Variants in PTPRT observed in about 807,000 individuals in gnomAD.
PTPRT encodes receptor-type tyrosine-protein phosphatase T.
PTPRT carries 56 observed loss-of-function variants against 176.8 expected under a neutral mutation model. The observed-to-expected ratio is 0.32, with a 90% CI of 0.26 to 0.40. The LOEUF (loss-of-function observed/expected upper bound fraction) is 0.40, where lower values mean the gene tolerates loss of function less well. Ranked by LOEUF, PTPRT falls within the 10% of genes least tolerant of loss-of-function variation. The pLI is 1.00. For missense variants in PTPRT, 1,540 were observed against 1,908.2 expected (o/e 0.81, Z 3.60); for synonymous variants, 783 against 739.0 (o/e 1.06, Z -0.96).
intron 7 of PTPRT, among the ~76,000 whole-genome samples, chr20:42,558,368 C>T (rs2072896044): frequency 6.6e-6 from 1 of 152,086 alleles, no homozygotes. Flanking sequence ...TCCAGTCTAC[C>T]ATTGTTGGGC....
intron 1 of PTPRT, among the ~76,000 whole-genome samples, chr20:43,075,985 C>T (rs938540237): frequency 2.0e-5 from 3 of 152,120 alleles, no homozygotes; most frequent in Non-Finnish European, 2.9e-5. Flanking sequence ...TTAAAGAACC[C>T]CTGGTCAGAG....
chr20:42,628,592 C>T (rs1849385241), intron 7 of PTPRT, among the ~76,000 whole-genome samples: 1 of 152,124 alleles, frequency 6.6e-6, no homozygotes. Flanking sequence ...TGTTGACCAT[C>T]TACTTTGTGT....
chr20:42,746,846 A>G (rs181633115), intron 6 of PTPRT, among the ~76,000 whole-genome samples: 55 of 152,268 alleles, frequency 3.6e-4, no homozygotes, highest in Non-Finnish European at 5.9e-4. Flanking sequence ...AAAAACTTCC[A>G]GACCTAAGTT....
intron 19 of PTPRT, among the ~76,000 whole-genome samples, chr20:42,127,189 A>G (rs1987897874): frequency 6.6e-6 from 1 of 152,208 alleles, no homozygotes; most frequent in Admixed American, 6.5e-5. Context: ...AGAGGGAGAA[A>G]TAACTAGAGT....
At chr20:42,186,597 G>A (rs957870377) in intron 16 of PTPRT, among the ~76,000 whole-genome samples, 3 of 152,202 alleles carry the variant, frequency 2.0e-5, no homozygotes, top group African/African-American at 7.2e-5. Context: ...GACAAGACCT[G>A]TATGTGAAGT....
At position 42,530,806 on chromosome 20, in the gene PTPRT, C is replaced by T. The variant is rs2072369987; in HGVS notation, c.1154-58244G>A. 2.0e-5 allele frequency among the ~76,000 whole-genome samples: 3 copies of T among 152,304 alleles called. No homozygotes were observed. The South Asian group carries it at 6.2e-4, about 32-fold the overall frequency. On this transcript the variant is annotated intron_variant, in intron 7 of 30. Coordinates refer to ENST00000373187, the MANE Select transcript of PTPRT (RefSeq NM_007050.6). ...ACTTGTGCATCCAGGAGCCCTACTT[C>T]TGACTTGGTGGGGTGGGATAGTGGC...
intron 15 of PTPRT, among the ~76,000 whole-genome samples, chr20:42,213,277 TAA>T (rs2146750301): frequency 6.6e-6 from 1 of 152,350 alleles, no homozygotes; most frequent in African/African-American, 2.4e-5. Context: ...TCTGAATTAG[TAA>T]AGTTTCATTC....
At chr20:43,088,339 T>C (rs1313878335) in intron 1 of PTPRT, among the ~76,000 whole-genome samples, 9 of 38,936 alleles carry the variant, frequency 2.3e-4, no homozygotes, top group African/African-American at 5.6e-4. Context: ...TTGGGGTGTG[T>C]GTGTGTGTGT....
chr20:42,350,187 T>C (rs6102793), intron 11 of PTPRT, among the ~76,000 whole-genome samples: 2,276 of 150,620 alleles, frequency 0.015, 64 homozygotes, highest in African/African-American at 0.053. Context: ...TTCTAGACCA[T>C]CTCAGGTCCT....
chr20:42,576,288 G>A (rs1479952545), intron 7 of PTPRT, among the ~76,000 whole-genome samples: 1 of 152,162 alleles, frequency 6.6e-6, no homozygotes, highest in Non-Finnish European at 1.5e-5. Context: ...GATGTCATGA[G>A]GCAGTGCTGA....
Position 42,333,407 on chromosome 20 carries a change from C to T in PTPRT, c.1865+17221G>A, listed in dbSNP as rs973931255. Among the ~76,000 whole-genome samples, 39 of 151,844 alleles carry T rather than the reference C, an allele frequency of 2.6e-4. 1 individual carries two copies. The highest frequency in any genetic ancestry group is 8.5e-4 in the African/African-American group (35 of 41,410). ...AATGCAGTGGTGTGATCTCGGCTCA[C>T]TGTAACCTCTGACTCCCTGGTTCAA... On this transcript the variant is annotated intron_variant, in intron 11 of 30. Coordinates refer to ENST00000373187, the MANE Select transcript of PTPRT (RefSeq NM_007050.6).
At chr20:42,538,390 AG>A (rs1240502688) in intron 7 of PTPRT, among the ~76,000 whole-genome samples, 16 of 152,228 alleles carry the variant, frequency 1.1e-4, no homozygotes, top group Non-Finnish European at 2.2e-4. Context: ...GAGAGAGAAC[AG>A]GTGGGGTCTT....
At chr20:42,081,835 G>C (rs762302556) in intron 30 of PTPRT, 47 bp downstream of exon 30, 5 of 1,603,706 alleles carry the variant, frequency 3.1e-6, no homozygotes, top group Non-Finnish European at 4.3e-6. Context: ...CAGGTCAAGG[G>C]AACTAGTCAG....
intron 1 of PTPRT, among the ~76,000 whole-genome samples, chr20:43,186,493 G>T (rs1452377278): frequency 6.6e-6 from 1 of 152,198 alleles, no homozygotes; most frequent in East Asian, 1.9e-4. Context: ...TCCTGTGCTT[G>T]AAAGAGTGAT....
chr20:42,377,821 A>G (rs2058665569), intron 9 of PTPRT, among the ~76,000 whole-genome samples: 1 of 152,236 alleles, frequency 6.6e-6, no homozygotes, highest in African/African-American at 2.4e-5. Context: ...GAAGGAAGAG[A>G]AAGATGAAGC....
At chr20:42,828,692 C>T (rs2078037776) in intron 2 of PTPRT, among the ~76,000 whole-genome samples, 1 of 152,276 alleles carries the variant, frequency 6.6e-6, no homozygotes, top group Middle Eastern at 3.4e-3. Context: ...CAGGCTATGG[C>T]TTAAGAGGGT....
At chr20:42,715,380 T>A (rs779595552) in intron 6 of PTPRT, among the ~76,000 whole-genome samples, 4 of 152,166 alleles carry the variant, frequency 2.6e-5, no homozygotes, top group Non-Finnish European at 5.9e-5. Flanking sequence ...TTAAAATAGA[T>A]ACTATAAATA....
In PTPRT at chr20:43,137,929, T is replaced by C. The variant is rs181994592; in HGVS notation, c.88+51717A>G. ...AAGACCAAGAGGTATGGGACCCATCTTCAGGGAGGAAGCCTTTTGCAGTTC... is the reference window on the plus strand; with the variant it reads ...AAGACCAAGAGGTATGGGACCCATCCTCAGGGAGGAAGCCTTTTGCAGTTC... On this transcript the variant is annotated intron_variant, in intron 1 of 30. Coordinates refer to ENST00000373187, the MANE Select transcript of PTPRT (RefSeq NM_007050.6). Among the ~76,000 whole-genome samples the C allele has an allele frequency of 1.6e-3, 242 of 152,340 alleles. 1 individual carries two copies. Among genetic ancestry groups the C allele is most frequent in the African/African-American group, 5.2e-3 (218 of 41,588 alleles).
rs532617696 is a variant in PTPRT at position 42,682,018 on chromosome 20, C to T, written c.860-3859G>A. Among the ~76,000 whole-genome samples the T allele has an allele frequency of 2.6e-5, 4 of 152,250 alleles. No individual in the cohort carries two copies. In the East Asian group the frequency reaches 7.7e-4, roughly 29 times the overall value. Reference sequence around the variant, plus strand: ...GTGATAAAAGCCAGAAGCATAGTGACCTGAGGGGCAGGTACTGACCGGGAC... The same window carrying T: ...GTGATAAAAGCCAGAAGCATAGTGATCTGAGGGGCAGGTACTGACCGGGAC... On this transcript the variant is annotated intron_variant, in intron 6 of 30. Transcript: ENST00000373187.
Sources: allele counts gnomAD v4.1 joint callset (sites outside exome capture counted in the v4.1 genomes callset), GRCh38; gene constraint gnomAD v4.1.1; transcripts MANE v1.5; gene names NCBI Gene and HGNC (gene_info 2026-07-23, HGNC 2026-07-21).